Variants in PCID2 observed in about 807,000 individuals in gnomAD.
PCID2 encodes PCI domain-containing protein 2.
PCID2 carries 41 observed loss-of-function variants against 61.3 expected under a neutral mutation model. That is an observed-to-expected ratio of 0.67 (90% CI 0.52 to 0.87). The LOEUF (loss-of-function observed/expected upper bound fraction) is 0.87. Among genes scored for constraint, PCID2 ranks in the 40% least tolerant of loss-of-function variants. The pLI is 0.00. For synonymous variants in PCID2, 187 were observed against 177.8 expected (o/e 1.05, Z -0.41); for missense variants, 392 against 493.4 (o/e 0.79, Z 1.95).
At chr13:113,201,657 A>G (rs2039437507) in intron 1 of PCID2, among the ~76,000 whole-genome samples, 1 of 151,930 alleles carries the variant, frequency 6.6e-6, no homozygotes, top group Admixed American at 6.6e-5. Flanking sequence ...TAAAAATACA[A>G]AAAAATTAGC....
At chr13:113,196,135 A>T (rs1345833473) in intron 5 of PCID2, 46 bp downstream of exon 5, 2 of 1,431,092 alleles carry the variant, frequency 1.4e-6, no homozygotes, top group Admixed American at 3.5e-5. Flanking sequence ...AGATTCTGCT[A>T]AAAAAATTGC....
intron 2 of PCID2, among the ~76,000 whole-genome samples, chr13:113,199,117 CCAGA>C (rs1477181477): frequency 6.6e-6 from 1 of 152,156 alleles, no homozygotes; most frequent in Non-Finnish European, 1.5e-5. Flanking sequence ...TGTGGAGTCC[CCAGA>C]CAATGTTATT....
chr13:113,171,673 G>C, the PCID2 span: 6 of 1,613,884 alleles, frequency 3.7e-6, no homozygotes, highest in Non-Finnish European at 4.2e-6. The surrounding 1 kb of genome is among the most constrained non-coding windows in gnomAD (Gnocchi z 5.1). Flanking sequence ...ACGCGGACGC[G>C]GGGGAGAATG....
At chr13:113,171,810 G>A in the PCID2 span, 4 of 1,613,456 alleles carry the variant, frequency 2.5e-6, no homozygotes, top group South Asian at 1.1e-5. This position sits in a 1 kb window ranked among gnomAD's most constrained non-coding sequence, Gnocchi z 5.1. Flanking sequence ...CTCAGCGGCT[G>A]GGCACGCAAT....
intron 6 of PCID2, among the ~76,000 whole-genome samples, chr13:113,193,775 A>G (rs892063292): frequency 5.3e-5 from 8 of 152,046 alleles, no homozygotes; most frequent in Admixed American, 5.2e-4. Flanking sequence ...CCTTGTTGAG[A>G]CTTTAAATGT....
At chr13:113,186,366 C>T (rs1478491008) in intron 7 of PCID2, 2 of 152,290 alleles carry the variant, frequency 1.3e-5, no homozygotes, top group Non-Finnish European at 2.9e-5. Context: ...AACTGAAGAA[C>T]CTAGGGGAGG....
intron 7 of PCID2, chr13:113,187,469 C>T (rs1041008608): frequency 2.6e-5 from 4 of 152,164 alleles, no homozygotes; most frequent in Admixed American, 1.3e-4. Context: ...CTCCCTGCAT[C>T]CTCACTGGCG....
chr13:113,195,185 G>A, intron 5 of PCID2, 60 bp from the exon 6 acceptor site: 1 of 1,021,056 alleles, frequency 9.8e-7, no homozygotes, highest in Non-Finnish European at 1.6e-6. Flanking sequence ...TCCATCCCCA[G>A]AGGTGGGAAG....
At chr13:113,189,517 ATCTT>A (rs1566958225) in intron 7 of PCID2, among the ~76,000 whole-genome samples, 2 of 152,168 alleles carry the variant, frequency 1.3e-5, no homozygotes, top group South Asian at 4.1e-4. Flanking sequence ...ACCTTTGATA[ATCTT>A]TCTTTGCTTT....
the PCID2 span, chr13:113,171,904 T>C: frequency 6.2e-7 from 1 of 1,613,750 alleles, no homozygotes; most frequent in South Asian, 1.1e-5. The surrounding 1 kb of genome is among the most constrained non-coding windows in gnomAD (Gnocchi z 5.1). Context: ...TGAATGTGAC[T>C]GTCACCACCA....
At chr13:113,196,588 G>C (rs928694580) in intron 4 of PCID2, among the ~76,000 whole-genome samples, 20 of 152,180 alleles carry the variant, frequency 1.3e-4, no homozygotes, top group African/African-American at 4.1e-4. Flanking sequence ...ATCAACTCTA[G>C]AATTCTTGAA....
At chr13:113,169,628 C>T in the PCID2 span, among the ~76,000 whole-genome samples, 3 of 152,314 alleles carry the variant, frequency 2.0e-5, no homozygotes, top group African/African-American at 4.8e-5. Context: ...ACCAGGGCAG[C>T]GCTCAAGTCT....
At chr13:113,193,402 C>G (rs1256890414) in intron 6 of PCID2, among the ~76,000 whole-genome samples, 3 of 152,096 alleles carry the variant, frequency 2.0e-5, no homozygotes, top group African/African-American at 7.2e-5. Context: ...AGCCTTTCAC[C>G]ATCAGGCAGA....
Position 113,178,081 on chromosome 13 carries a change from A to G in PCID2, c.*117T>C. On this transcript the variant is annotated 3_prime_UTR_variant, in exon 14 of 14. Transcript: ENST00000337344. ...TCTCAGCCTCAGCATCCCTGGGAAAAGCGCCTCCAAGAGTTCCGGCTTCAG... is the reference window on the plus strand; with the variant it reads ...TCTCAGCCTCAGCATCCCTGGGAAAGGCGCCTCCAAGAGTTCCGGCTTCAG... 1 of 616,446 alleles carries G rather than the reference A, an allele frequency of 1.6e-6. No individual in the cohort carries two copies. The highest frequency in any genetic ancestry group is 2.9e-6 in the Non-Finnish European group (1 of 350,450). The allele number at this position is 616,446 out of a possible 1,614,324, so 38.2% of individuals were successfully genotyped here.
At position 113,178,158 on chromosome 13, in the gene PCID2, A is replaced by T. The variant is rs2037276051; in HGVS notation, c.*40T>A. The stretch of plus-strand genomic sequence containing the variant: ...TCTCATCAGCACAACCAAAGTGGAA[A>T]GAAACAACTGCTCACCCGTCCTCGG... On this transcript the variant is annotated 3_prime_UTR_variant, in exon 14 of 14. Coordinates refer to ENST00000337344, the MANE Select transcript of PCID2 (RefSeq NM_001127202.4). The T allele has an allele frequency of 6.7e-7, 1 of 1,500,708 alleles. No homozygotes were observed. Among genetic ancestry groups the T allele is most frequent in the Non-Finnish European group, 9.3e-7 (1 of 1,078,314 alleles). The allele number at this position is 1,500,708 out of a possible 1,614,324, so 93.0% of individuals were successfully genotyped here.
rs1057070439 is a variant in PCID2, at chr13:113,200,589, T to A, written c.37-73A>T. 3.2e-6 allele frequency: 3 copies of A among 949,470 alleles called. No homozygotes were observed. The African/African-American group carries it at 4.9e-5, about 15-fold the overall frequency. The allele number at this position is 949,470 out of a possible 1,614,324, so 58.8% of individuals were successfully genotyped here. On this transcript the variant is annotated intron_variant, in intron 1 of 13. Transcript: ENST00000337344. ...TCGAATAGAACCTACAACAATACAC[T>A]GAATGCCACACAGGGGAAAATTCAT...
At chr13:113,176,643 C>G (rs1442212238), downstream of PCID2, among the ~76,000 whole-genome samples, 1 of 151,230 alleles carries the variant, frequency 6.6e-6, no homozygotes, top group African/African-American at 2.4e-5. Flanking sequence ...TGCACCTGTG[C>G]TCCCAGCTAC....
chr13:113,205,609 A>G (rs2138980272), intron 1 of PCID2, among the ~76,000 whole-genome samples: 1 of 152,354 alleles, frequency 6.6e-6, no homozygotes. Context: ...CCATCAACTG[A>G]TGAATGGATA....
Position 113,179,148 on chromosome 13 carries a change from C to A in PCID2, c.987-59G>T. The A allele has an allele frequency of 2.7e-6, 4 of 1,489,700 alleles. No individual in the cohort carries two copies. The highest frequency in any genetic ancestry group is 2.5e-5 in the South Asian group (2 of 79,010). 92.3% of individuals were successfully genotyped at this position (1,489,700 alleles called of 1,614,324 possible). A position where few individuals can be genotyped will look rare whatever the true frequency, so the allele number is the denominator to read the frequency against. Reference sequence around the variant, plus strand: ...CCGACAGGATGCAATACTCCACAGCCAAGAAAAGGCACCTCTTAATAAGCC... The same window carrying A: ...CCGACAGGATGCAATACTCCACAGCAAAGAAAAGGCACCTCTTAATAAGCC... On this transcript the variant is annotated intron_variant, in intron 12 of 13. Coordinates refer to ENST00000337344, the MANE Select transcript of PCID2 (RefSeq NM_001127202.4). This position sits in a 1 kb window ranked among gnomAD's most constrained non-coding sequence, Gnocchi z 4.3.
Sources: allele counts gnomAD v4.1 joint callset (sites outside exome capture counted in the v4.1 genomes callset), GRCh38; gene constraint gnomAD v4.1.1; non-coding constraint Gnocchi (gnomAD v3.1); transcripts MANE v1.5; gene names NCBI Gene and HGNC (gene_info 2026-07-23, HGNC 2026-07-21).